The following UGT1A8 variants were observed in gnomAD, a reference collection of about 807,000 sequenced individuals.
UGT1A8 encodes the protein UDP-glucuronosyltransferase 1A8.
In UGT1A8, 39 loss-of-function variants were observed where a neutral mutation model predicts 45.3. The ratio of observed to expected loss-of-function variants is 0.86; its 90% CI spans 0.67 to 1.12. UGT1A8 has a LOEUF of 1.12. Among genes scored for constraint, UGT1A8 ranks in the 50% most tolerant of loss-of-function variants. The pLI is 0.00. For synonymous variants in UGT1A8, 275 were observed against 249.2 expected (o/e 1.10, Z -0.97); for missense variants, 719 against 664.9 (o/e 1.08, Z -0.90).
chr2:233,637,187 ATC>A, intron 1 of UGT1A8: 2 of 1,613,984 alleles, frequency 1.2e-6, no homozygotes, highest in South Asian at 2.2e-5. Context: ...TTTTGCCAGT[ATC>A]TTTTTAGAAA....
rs1700550070 is a variant in UGT1A8, at chr2:233,772,816, C to A, written c.*257C>A. 3 of 1,016,374 alleles carry A rather than the reference C, an allele frequency of 3.0e-6. No individual in the cohort carries two copies. The highest frequency in any genetic ancestry group is 3.1e-5 in the Admixed American group (1 of 31,990). 63.0% of individuals were successfully genotyped at this position (1,016,374 alleles called of 1,614,324 possible). ...CATGTGCCATTTTTCAGAGGACGTG[C>A]AGACAGGCTGGCATTCTAGATTACT... On this transcript the variant is annotated 3_prime_UTR_variant, in exon 5 of 5. Transcript: ENST00000373450.
At position 233,763,257 on chromosome 2, in the gene UGT1A8, T is replaced by C. The variant is rs187516962; in HGVS notation, c.856-3777T>C. On this transcript the variant is annotated intron_variant, in intron 1 of 4. Transcript: ENST00000373450. ...AATTGTACCTTTTAGTAACCTGTTTTGTCTTGTTGCATGTTTTAATCTGAA... is the reference window on the plus strand; with the variant it reads ...AATTGTACCTTTTAGTAACCTGTTTCGTCTTGTTGCATGTTTTAATCTGAA... 1.1e-3 allele frequency among the ~76,000 whole-genome samples: 161 copies of C among 152,386 alleles called. 7 individuals carry two copies. The South Asian group carries it at 0.032, about 31-fold the overall frequency.
At position 233,688,626 on chromosome 2, in the gene UGT1A8, G is replaced by A. The variant is rs115592772; in HGVS notation, c.855+70064G>A. On this transcript the variant is annotated intron_variant, in intron 1 of 4. Coordinates refer to ENST00000373450, the MANE Select transcript of UGT1A8 (RefSeq NM_019076.5). ...TAACACCCTCAGCAAACATGAGTTC[G>A]TCTTGTTTTTGTTGGTGTTACAGAA... 5.6e-3 allele frequency among the ~76,000 whole-genome samples: 846 copies of A among 152,204 alleles called. 7 individuals carry two copies. Among genetic ancestry groups the A allele is most frequent in the African/African-American group, 0.019 (799 of 41,536 alleles).
Position 233,693,926 on chromosome 2 carries a change from C to T in UGT1A8, c.856-73108C>T, listed in dbSNP as rs2075188993. On this transcript the variant is annotated intron_variant, in intron 1 of 4. Transcript: ENST00000373450. ...CTTCCAGGCTCTGTCCTCCCTCACTCATTTGGCTCCTTGAGCCGACTGTCC... is the reference window on the plus strand; with the variant it reads ...CTTCCAGGCTCTGTCCTCCCTCACTTATTTGGCTCCTTGAGCCGACTGTCC... 3 of 1,609,026 alleles carry T rather than the reference C, an allele frequency of 1.9e-6. No individual in the cohort carries two copies. The Admixed American group carries it at 5.0e-5, about 27-fold the overall frequency.
chr2:233,624,236 A>G (rs955628750), intron 1 of UGT1A8, among the ~76,000 whole-genome samples: 7 of 152,072 alleles, frequency 4.6e-5, no homozygotes, highest in Non-Finnish European at 1.0e-4. Context: ...AAATGTAGTC[A>G]TCATGTCTCC....
intron 1 of UGT1A8, among the ~76,000 whole-genome samples, chr2:233,654,470 A>G (rs2073810834): frequency 6.6e-6 from 1 of 152,242 alleles, no homozygotes; most frequent in Admixed American, 6.5e-5. Context: ...AAAATTAAGT[A>G]GTTTACAGCA....
intron 1 of UGT1A8, chr2:233,648,844 A>G: frequency 8.6e-7 from 1 of 1,167,992 alleles, no homozygotes; most frequent in Non-Finnish European, 1.2e-6. Context: ...ATATTTTTTC[A>G]AAAATGCCTT....
At position 233,694,150 on chromosome 2, in the gene UGT1A8, C is replaced by T. The variant is rs2075202276; in HGVS notation, c.856-72884C>T. On this transcript the variant is annotated intron_variant, in intron 1 of 4. Transcript: ENST00000373450. ...CTCATTGAATGAGCCTTAGAAATGT[C>T]CCAGTTCAAACAGAGGTGAAGGCTT... Among the ~76,000 whole-genome samples the T allele has an allele frequency of 1.3e-5, 2 of 152,122 alleles. 1 individual carries two copies. Among genetic ancestry groups the T allele is most frequent in the South Asian group, 4.1e-4 (2 of 4,826 alleles).
intron 1 of UGT1A8, among the ~76,000 whole-genome samples, chr2:233,629,395 T>C (rs1356213091): frequency 6.6e-6 from 1 of 152,164 alleles, no homozygotes; most frequent in Non-Finnish European, 1.5e-5. Flanking sequence ...TATGCTGCTA[T>C]GAACATGGTG....
At chr2:233,709,904 C>T (rs2076096506) in intron 1 of UGT1A8, among the ~76,000 whole-genome samples, 1 of 152,180 alleles carries the variant, frequency 6.6e-6, no homozygotes, top group Non-Finnish European at 1.5e-5. Flanking sequence ...TCTCAGTCAC[C>T]TAATACCTCC....
chr2:233,635,374 T>A (rs1441531022), intron 1 of UGT1A8, among the ~76,000 whole-genome samples: 1 of 150,918 alleles, frequency 6.6e-6, no homozygotes, highest in Non-Finnish European at 1.5e-5. Flanking sequence ...GAAGTTCTCC[T>A]GAATAATATC....
intron 1 of UGT1A8, among the ~76,000 whole-genome samples, chr2:233,732,817 G>A (rs1434078778): frequency 7.7e-6 from 1 of 130,138 alleles, no homozygotes; most frequent in Non-Finnish European, 1.6e-5. Flanking sequence ...GATTCCATAT[G>A]AACTTTAAAG....
chr2:233,672,608 A>T, intron 1 of UGT1A8: 1 of 1,613,834 alleles, frequency 6.2e-7, no homozygotes, highest in Non-Finnish European at 8.5e-7. Context: ...CGTTTTTTCA[A>T]AAATGCCCTA....
intron 1 of UGT1A8, among the ~76,000 whole-genome samples, chr2:233,749,604 A>G (rs7556676): frequency 0.45 from 68,782 of 151,558 alleles, 16,251 homozygotes; most frequent in South Asian, 0.58. Flanking sequence ...GTCACACTAG[A>G]TTTATCATGA....
At chr2:233,755,113 AG>A in intron 1 of UGT1A8, 1 of 1,332,540 alleles carries the variant, frequency 7.5e-7, no homozygotes, top group Non-Finnish European at 1.0e-6. Context: ...AACACCTCGT[AG>A]GCCTCAGCCA....
At chr2:233,661,448 A>G (rs576105740) in intron 1 of UGT1A8, among the ~76,000 whole-genome samples, 4 of 152,242 alleles carry the variant, frequency 2.6e-5, no homozygotes, top group East Asian at 3.9e-4. Flanking sequence ...TTTAACCCAC[A>G]GATGGAATCC....
chr2:233,644,745 G>C (rs529896334), intron 1 of UGT1A8, among the ~76,000 whole-genome samples: 1 of 152,194 alleles, frequency 6.6e-6, no homozygotes, highest in East Asian at 1.9e-4. Context: ...GGGTTCAGGG[G>C]GTTGGGTGAC....
intron 1 of UGT1A8, among the ~76,000 whole-genome samples, chr2:233,662,724 C>T (rs1056649421): frequency 6.6e-6 from 1 of 151,818 alleles, no homozygotes; most frequent in Non-Finnish European, 1.5e-5. Context: ...AGCATTCAGT[C>T]TTTCACCATT....
chr2:233,750,271 C>T (rs1694411042), intron 1 of UGT1A8, among the ~76,000 whole-genome samples: 1 of 151,886 alleles, frequency 6.6e-6, no homozygotes, highest in South Asian at 2.1e-4. Flanking sequence ...TATGCTTTAG[C>T]AAAGAGACTG....
Sources: allele counts gnomAD v4.1 joint callset (sites outside exome capture counted in the v4.1 genomes callset), GRCh38; gene constraint gnomAD v4.1.1; transcripts MANE v1.5; gene names NCBI Gene and HGNC (gene_info 2026-07-23, HGNC 2026-07-21).